The following ATP9B variants were observed in gnomAD, a reference collection of about 807,000 sequenced individuals.
ATP9B encodes the protein probable phospholipid-transporting ATPase IIB.
ATP9B carries 110 observed loss-of-function variants against 146.1 expected under a neutral mutation model. That is an observed-to-expected ratio of 0.75 (90% CI 0.65 to 0.88). ATP9B has a LOEUF of 0.88. Among genes scored for constraint, ATP9B ranks in the 40% least tolerant of loss-of-function variants. ATP9B has a pLI of 0.00. For missense variants in ATP9B, 1,499 were observed against 1,496.4 expected (o/e 1.00, Z -0.03); for synonymous variants, 604 against 569.7 (o/e 1.06, Z -0.86).
chr18:79,300,082 T>C (rs2096580085), intron 13 of ATP9B: 1 of 152,024 alleles, frequency 6.6e-6, no homozygotes, highest in Non-Finnish European at 1.5e-5. Context: ...CTGGGGAAGG[T>C]AGGTTAAAGA....
intron 12 of ATP9B, among the ~76,000 whole-genome samples, chr18:79,270,730 C>T (rs2096246077): frequency 6.6e-6 from 1 of 152,078 alleles, no homozygotes; most frequent in African/African-American, 2.4e-5. Context: ...CACCTTTCCC[C>T]ATTCCTGAGT....
chr18:79,246,772 GT>G (rs1263656722), intron 11 of ATP9B, among the ~76,000 whole-genome samples: 4 of 152,192 alleles, frequency 2.6e-5, no homozygotes, highest in Admixed American at 6.5e-5. Context: ...GGAGGTGTGA[GT>G]ACGACTCTGA....
At chr18:79,098,370 A>C (rs1050410577) in intron 2 of ATP9B, among the ~76,000 whole-genome samples, 2 of 147,776 alleles carry the variant, frequency 1.4e-5, no homozygotes, top group African/African-American at 5.1e-5. Flanking sequence ...ACAAAAGCCA[A>C]AATTGACAAA....
intron 7 of ATP9B, 118 bp downstream of exon 7, chr18:79,154,673 G>A: frequency 1.7e-6 from 1 of 586,750 alleles, no homozygotes; most frequent in Non-Finnish European, 2.9e-6. Flanking sequence ...CAGCAATGAG[G>A]AATATTCTGT....
At chr18:79,297,670 T>A (rs970528326) in intron 13 of ATP9B, among the ~76,000 whole-genome samples, 1 of 152,250 alleles carries the variant, frequency 6.6e-6, no homozygotes, top group Non-Finnish European at 1.5e-5. Flanking sequence ...AATTCTCTTC[T>A]TAATAGAGAA....
At chr18:79,095,451 T>C (rs1267842310) in intron 1 of ATP9B, among the ~76,000 whole-genome samples, 5 of 152,220 alleles carry the variant, frequency 3.3e-5, no homozygotes, top group Admixed American at 2.6e-4. Context: ...GACTGGACTC[T>C]GGACCTGGCT....
intron 6 of ATP9B, among the ~76,000 whole-genome samples, chr18:79,151,442 G>A (rs147456217): frequency 1.8e-4 from 28 of 152,206 alleles, no homozygotes; most frequent in African/African-American, 6.5e-4. Context: ...TTTTCCTGTC[G>A]ATGGGTTTTT....
At chr18:79,317,522 A>G (rs1324797451) in intron 15 of ATP9B, among the ~76,000 whole-genome samples, 1 of 152,230 alleles carries the variant, frequency 6.6e-6, no homozygotes, top group Non-Finnish European at 1.5e-5. Flanking sequence ...AGAGATATGA[A>G]TATTGACTGT....
chr18:79,158,966 G>A (rs1364065259), intron 7 of ATP9B, among the ~76,000 whole-genome samples: 2 of 152,032 alleles, frequency 1.3e-5, no homozygotes, highest in Non-Finnish European at 2.9e-5. Context: ...CTTCTATTCT[G>A]TCAGATTTTG....
At chr18:79,349,266 G>C (rs897162944) in intron 25 of ATP9B, among the ~76,000 whole-genome samples, 1 of 152,180 alleles carries the variant, frequency 6.6e-6, no homozygotes, top group African/African-American at 2.4e-5. Context: ...CCTTAACCAG[G>C]TTCCACTCCA....
chr18:79,287,755 G>T (rs1307238247), intron 13 of ATP9B, among the ~76,000 whole-genome samples: 1 of 151,908 alleles, frequency 6.6e-6, no homozygotes, highest in African/African-American at 2.4e-5. Context: ...TGGGCATTTA[G>T]TGCTATAGAT....
At chr18:79,116,903 C>T (rs2094087519) in intron 4 of ATP9B, among the ~76,000 whole-genome samples, 1 of 106,612 alleles carries the variant, frequency 9.4e-6, no homozygotes, top group Non-Finnish European at 1.8e-5. Flanking sequence ...GCACATGTAC[C>T]CTAAAACTTA....
chr18:79,202,614 T>A (rs1053805892), intron 9 of ATP9B, among the ~76,000 whole-genome samples: 2 of 152,204 alleles, frequency 1.3e-5, no homozygotes, highest in African/African-American at 4.8e-5. Flanking sequence ...GAAAGTGAAA[T>A]AGAACATTTT....
chr18:79,169,215 G>C (rs555605800), intron 7 of ATP9B, among the ~76,000 whole-genome samples: 1 of 152,090 alleles, frequency 6.6e-6, no homozygotes, highest in Admixed American at 6.5e-5. Context: ...AGTTTTCTTG[G>C]TGATTTCTGA....
At chr18:79,281,428 C>T (rs375346094) in intron 13 of ATP9B, among the ~76,000 whole-genome samples, 3 of 151,688 alleles carry the variant, frequency 2.0e-5, no homozygotes, top group African/African-American at 7.3e-5. Flanking sequence ...ACCTAGGAGG[C>T]GGAGATCCTG....
chr18:79,249,778 G>A (rs1358365526), intron 11 of ATP9B, among the ~76,000 whole-genome samples: 1 of 152,164 alleles, frequency 6.6e-6, no homozygotes, highest in Non-Finnish European at 1.5e-5. Flanking sequence ...ATTATTAATT[G>A]AAGTGGGTTA....
chr18:79,110,595 T>A, intron 3 of ATP9B, 90 bp downstream of exon 3: 1 of 1,300,786 alleles, frequency 7.7e-7, no homozygotes, highest in Non-Finnish European at 1.0e-6. Context: ...GACTCTGACT[T>A]AGGTATTGAG....
At chr18:79,162,091 T>G (rs913827751) in intron 7 of ATP9B, among the ~76,000 whole-genome samples, 1 of 152,222 alleles carries the variant, frequency 6.6e-6, no homozygotes, top group African/African-American at 2.4e-5. Context: ...TTTTATTGCT[T>G]TTTAGTTTCA....
intron 1 of ATP9B, among the ~76,000 whole-genome samples, chr18:79,090,867 C>T (rs1599458345): frequency 1.3e-5 from 2 of 152,122 alleles, no homozygotes; most frequent in South Asian, 4.2e-4. Flanking sequence ...AGACCATTGT[C>T]CTGGAGATTT....
Sources: allele counts gnomAD v4.1 joint callset (sites outside exome capture counted in the v4.1 genomes callset), GRCh38; gene constraint gnomAD v4.1.1; transcripts MANE v1.5; gene names NCBI Gene and HGNC (gene_info 2026-07-23, HGNC 2026-07-21).